NCS1: variants seen among roughly 807,000 people sequenced by gnomAD.
The protein encoded by NCS1 is neuronal calcium sensor 1.
In NCS1, 6 loss-of-function variants were observed where a neutral mutation model predicts 28.4. The observed-to-expected ratio is 0.21, with a 90% CI of 0.12 to 0.42. NCS1 has a LOEUF of 0.42. Ranked by LOEUF, NCS1 falls within the 10% of genes least tolerant of loss-of-function variation. The pLI is 1.00. For missense variants in NCS1, 131 were observed against 241.4 expected (o/e 0.54, Z 3.03); for synonymous variants, 86 against 99.3 (o/e 0.87, Z 0.79).
intron 2 of NCS1, among the ~76,000 whole-genome samples, chr9:130,207,811 C>G (rs181805420): frequency 1.3e-5 from 2 of 152,232 alleles, no homozygotes; most frequent in African/African-American, 2.4e-5. Flanking sequence ...TGGTGCCTCC[C>G]AGCTCTGAGC....
intron 6 of NCS1, among the ~76,000 whole-genome samples, chr9:130,224,292 TAAA>T (rs782488225): frequency 3.2e-5 from 2 of 61,718 alleles, no homozygotes; most frequent in Admixed American, 3.9e-4. Flanking sequence ...CTTTCTCTAC[TAAA>T]AAAAAAAAAA....
chr9:130,181,433 G>A lies in NCS1; in HGVS notation c.64+8706G>A, dbSNP rs1483288848. On this transcript the variant is annotated intron_variant, in intron 1 of 7. Coordinates refer to ENST00000372398, the MANE Select transcript of NCS1 (RefSeq NM_014286.4). The surrounding 1 kb of genome is among the most constrained non-coding windows in gnomAD (Gnocchi z 5.0). ...CACTGCGGTGAGAATCTGGTATTAG[G>A]CATGTTCCGTGTGACCCAGGCCTGT... Among the ~76,000 whole-genome samples the A allele has an allele frequency of 1.3e-5, 2 of 152,144 alleles. No homozygotes were observed. Among genetic ancestry groups the A allele is most frequent in the Non-Finnish European group, 2.9e-5 (2 of 68,028 alleles).
rs1554906325 is a variant in NCS1, at chr9:130,192,211, A to C, written c.65-8747A>C. 6.6e-6 allele frequency among the ~76,000 whole-genome samples: 1 copy of C among 152,114 alleles called. No individual in the cohort carries two copies. Among genetic ancestry groups the C allele is most frequent in the African/African-American group, 2.4e-5 (1 of 41,436 alleles). On this transcript the variant is annotated intron_variant, in intron 1 of 7. Coordinates refer to ENST00000372398, the MANE Select transcript of NCS1 (RefSeq NM_014286.4). This position sits in a 1 kb window ranked among gnomAD's most constrained non-coding sequence, Gnocchi z 4.8. ...GGCATCGAGTAATAAGTACAACAGC[A>C]GTGATGATCATGCTGACTGCCTCGT... is the stretch of plus-strand genomic sequence containing the variant.
chr9:130,204,824 G>A (rs12006417), intron 2 of NCS1, among the ~76,000 whole-genome samples: 2,600 of 152,272 alleles, frequency 0.017, 66 homozygotes, highest in African/African-American at 0.059. Flanking sequence ...GGCATCATCC[G>A]TGGAACCCAA....
chr9:130,181,526 A>G lies in NCS1; in HGVS notation c.64+8799A>G, dbSNP rs1554905136. ...CCCTGTGGGGGTCCCCTTTTTACAG[A>G]TGAGGAAATGGAGGCTCAGAGTGGA... On this transcript the variant is annotated intron_variant, in intron 1 of 7. Coordinates refer to ENST00000372398, the MANE Select transcript of NCS1 (RefSeq NM_014286.4). The surrounding 1 kb of genome is among the most constrained non-coding windows in gnomAD (Gnocchi z 5.0). Among the ~76,000 whole-genome samples the G allele has an allele frequency of 2.0e-5, 3 of 152,044 alleles. No individual in the cohort carries two copies. Among genetic ancestry groups the G allele is most frequent in the South Asian group, 2.1e-4 (1 of 4,818 alleles).
At chr9:130,189,882 ATAT>A (rs1832794141) in intron 1 of NCS1, among the ~76,000 whole-genome samples, 77 of 43,668 alleles carry the variant, frequency 1.8e-3, no homozygotes, top group African/African-American at 5.1e-3. Flanking sequence ...AAAAAAAAAT[ATAT>A]ATATATATAT....
chr9:130,227,891 C>T (rs537566200), intron 7 of NCS1, among the ~76,000 whole-genome samples: 1 of 152,284 alleles, frequency 6.6e-6, no homozygotes, highest in South Asian at 2.1e-4. Flanking sequence ...GTGCAAGTTC[C>T]CTGTTCTAGG....
At chr9:130,185,632 G>A (rs549519982) in intron 1 of NCS1, among the ~76,000 whole-genome samples, 2 of 152,340 alleles carry the variant, frequency 1.3e-5, no homozygotes, top group South Asian at 4.1e-4. Context: ...TGTAGGAACC[G>A]AAAGATTCCT....
rs782416787 is a variant in NCS1, at chr9:130,223,169, G to T, written c.474+10G>T. 1 of 1,596,738 alleles carries T rather than the reference G, an allele frequency of 6.3e-7. No individual in the cohort carries two copies. The highest frequency in any genetic ancestry group is 1.7e-5 in the Admixed American group (1 of 59,972). On this transcript the variant is annotated intron_variant, in intron 6 of 7. Transcript: ENST00000372398. ...TGCCATGATGGATAAGGTGAGGTGG[G>T]GGGGCGGGGCTGGTCCTGGACCAGG...
rs1007843823 is a variant in NCS1, at chr9:130,234,167, A to G, written c.*1195A>G. 3.9e-5 allele frequency: 6 copies of G among 152,304 alleles called. No homozygotes were observed. The highest frequency in any genetic ancestry group is 1.4e-4 in the African/African-American group (6 of 41,544). The allele number at this position is 152,304 out of a possible 1,614,324, so 9.4% of individuals were successfully genotyped here. A position where few individuals can be genotyped will look rare whatever the true frequency, so the allele number is the denominator to read the frequency against. On this transcript the variant is annotated 3_prime_UTR_variant, in exon 8 of 8. Transcript: ENST00000372398. This position sits in a 1 kb window ranked among gnomAD's most constrained non-coding sequence, Gnocchi z 6.1. ...TCCTTGGGCTGGGGAGGGGATTTCA[A>G]GATAGTTCATGACTCTCTCCCGCTC...
chr9:130,221,407 TATATATAGAGAGAGAGAG>T (rs1400252729), intron 4 of NCS1, among the ~76,000 whole-genome samples: 121 of 42,680 alleles, frequency 2.8e-3, no homozygotes, highest in African/African-American at 0.011. Context: ...TATATATATA[TATATATAGAGAGAGAGAG>T]AGAGAGAGAG....
In NCS1 at chr9:130,192,338, C is replaced by T. The variant is rs1393223580; in HGVS notation, c.65-8620C>T. On this transcript the variant is annotated intron_variant, in intron 1 of 7. Coordinates refer to ENST00000372398, the MANE Select transcript of NCS1 (RefSeq NM_014286.4). The surrounding 1 kb of genome is among the most constrained non-coding windows in gnomAD (Gnocchi z 4.8). ...AGAGGCTGCCGCCCTTGTCCAAGGT[C>T]GAGGGTTAATGAGTCTGGGGCCCGG... Among the ~76,000 whole-genome samples, 9 of 152,088 alleles carry T rather than the reference C, an allele frequency of 5.9e-5. No individual in the cohort carries two copies. Among genetic ancestry groups the T allele is most frequent in the African/African-American group, 9.7e-5 (4 of 41,410 alleles).
At position 130,172,637 on chromosome 9, in the gene NCS1, G is replaced by T; in HGVS notation, c.-27G>T. ...GGGCGCCCCAACCGGGTCCGGCCCG[G>T]GGGGGCGGGGGCCGCGGCCGCCGAG... On this transcript the variant is annotated 5_prime_UTR_variant, in exon 1 of 8. Transcript: ENST00000372398. 4.2e-6 allele frequency: 6 copies of T among 1,419,114 alleles called. No individual in the cohort carries two copies. The highest frequency in any genetic ancestry group is 3.4e-5 in the East Asian group (1 of 29,342). The allele number at this position is 1,419,114 out of a possible 1,614,324, so 87.9% of individuals were successfully genotyped here.
chr9:130,176,194 C>CTTTCTTT (rs1554904576), intron 1 of NCS1, among the ~76,000 whole-genome samples: 1 of 50,140 alleles, frequency 2.0e-5, no homozygotes, highest in Non-Finnish European at 3.5e-5. Context: ...TTCTTTCTTT[C>CTTTCTTT]TTTTTTTTTT....
chr9:130,211,004 C>T (rs1181941893), intron 2 of NCS1, among the ~76,000 whole-genome samples: 6 of 125,280 alleles, frequency 4.8e-5, no homozygotes, highest in Non-Finnish European at 6.4e-5. Flanking sequence ...GTGCCCGGCT[C>T]CACTAATTTT....
intron 4 of NCS1, among the ~76,000 whole-genome samples, chr9:130,221,246 A>T (rs1833281722): frequency 6.7e-6 from 1 of 149,944 alleles, no homozygotes; most frequent in Non-Finnish European, 1.5e-5. Flanking sequence ...CTGGTCTCGA[A>T]CTCCTGACCT....
At chr9:130,198,275 G>T (rs2131132870) in intron 1 of NCS1, among the ~76,000 whole-genome samples, 1 of 152,274 alleles carries the variant, frequency 6.6e-6, no homozygotes, top group South Asian at 2.1e-4. Context: ...AGGACGCAGA[G>T]ACTGAGGCAG....
intron 1 of NCS1, among the ~76,000 whole-genome samples, chr9:130,185,194 A>T (rs4448387): frequency 2.0e-5 from 3 of 152,202 alleles, no homozygotes; most frequent in Admixed American, 6.5e-5. Context: ...CATGTTTCAT[A>T]GTCCCCCTTG....
chr9:130,210,245 A>G (rs1486544697), intron 2 of NCS1, among the ~76,000 whole-genome samples: 1 of 152,026 alleles, frequency 6.6e-6, no homozygotes, highest in Non-Finnish European at 1.5e-5. Flanking sequence ...CTAAAAATAC[A>G]AAACTTAGCT....
Sources: allele counts gnomAD v4.1 joint callset (sites outside exome capture counted in the v4.1 genomes callset), GRCh38; gene constraint gnomAD v4.1.1; non-coding constraint Gnocchi (gnomAD v3.1); transcripts MANE v1.5; gene names NCBI Gene and HGNC (gene_info 2026-07-23, HGNC 2026-07-21).